CFAP43: variants seen among roughly 807,000 people sequenced by gnomAD.
CFAP43 encodes cilia- and flagella-associated protein 43.
Under a neutral mutation model 218.9 loss-of-function variants are expected in CFAP43, and 155 were observed. The observed-to-expected ratio is 0.71, with a 90% CI of 0.62 to 0.81. The LOEUF is 0.81. Among genes scored for constraint, CFAP43 ranks in the 30% least tolerant of loss-of-function variants. CFAP43 has a pLI of 0.00. For missense variants in CFAP43, 1,778 were observed against 1,954.3 expected (o/e 0.91, Z 1.70); for synonymous variants, 645 against 681.3 (o/e 0.95, Z 0.83).
intron 27 of CFAP43, among the ~76,000 whole-genome samples, chr10:104,152,929 T>C (rs141947507): frequency 6.6e-6 from 1 of 152,048 alleles, no homozygotes; most frequent in African/African-American, 2.4e-5. Context: ...TTAGAAAAGA[T>C]TACATTGGGG....
chr10:104,182,471 G>T lies in CFAP43; in HGVS notation c.2184C>A (p.Tyr728Ter), dbSNP rs745356064. Residue 728 changes from tyrosine (Y) to a stop codon, truncating the protein, a stop_gained, in exon 17 of 38, where the codon TAC becomes TAA. Transcript: ENST00000357060. LOFTEE classifies it high-confidence loss of function. The part of the protein sequence containing the change: ...GHLASEILDY[Y>*]QKLLISLSSA... ...TGCTCAGGGAAATTAATAGTTTCTG[G>T]TAATAGTCCAGAATTTCACTGGCTA... 2 of 1,611,624 alleles carry T rather than the reference G, an allele frequency of 1.2e-6. No individual in the cohort carries two copies. Among genetic ancestry groups the T allele is most frequent in the Non-Finnish European group, 1.7e-6 (2 of 1,179,172 alleles).
chr10:104,222,929 G>A (rs763373971), intron 3 of CFAP43, among the ~76,000 whole-genome samples: 5 of 152,296 alleles, frequency 3.3e-5, no homozygotes, highest in Admixed American at 1.3e-4. Flanking sequence ...TCTAGGATAG[G>A]GGTTGGCAAG....
In CFAP43 at chr10:104,187,478, C is replaced by G; in HGVS notation, c.1702G>C (p.Ala568Pro). The G allele has an allele frequency of 6.3e-7, 1 of 1,584,878 alleles. No individual in the cohort carries two copies. ...TLLPQVSTTF[A>P]DERGRLKDEI... ...TCTTTCAGCCTTCCTCTTTCATCAG[C>G]AAAGGTTGTGGAAACTATTAGATTT... The change falls in exon 14 of 38, where the codon GCT becomes CCT. Residue 568 changes from alanine (A) to proline (P), a missense_variant. Physicochemically the swap from Ala to Pro is conservative, Grantham distance 27 (BLOSUM62 -1). Coordinates refer to ENST00000357060, the MANE Select transcript of CFAP43 (RefSeq NM_025145.7).
At chr10:104,153,979 A>G (rs572949981) in intron 27 of CFAP43, among the ~76,000 whole-genome samples, 1 of 152,312 alleles carries the variant, frequency 6.6e-6, no homozygotes, top group Admixed American at 6.5e-5. Context: ...CAGGAACACT[A>G]TGTAAGTTAT....
chr10:104,156,602 G>T (rs2088560447), intron 27 of CFAP43, among the ~76,000 whole-genome samples: 1 of 152,160 alleles, frequency 6.6e-6, no homozygotes, highest in African/African-American at 2.4e-5. Flanking sequence ...AAAAAGTGGG[G>T]ATTGAGTGGG....
At chr10:104,143,689 A>T in intron 31 of CFAP43, 50 bp from the exon 32 acceptor site, 1 of 1,567,722 alleles carries the variant, frequency 6.4e-7, no homozygotes. Flanking sequence ...TCATAAAAAC[A>T]TCAATGTGAA....
At chr10:104,214,939 C>G (rs1018371424) in intron 3 of CFAP43, among the ~76,000 whole-genome samples, 1 of 151,996 alleles carries the variant, frequency 6.6e-6, no homozygotes, top group Non-Finnish European at 1.5e-5. Context: ...AGTTCAAGAC[C>G]AGCCTGGCCA....
At chr10:104,133,089 T>C (rs2087272440) in intron 35 of CFAP43, among the ~76,000 whole-genome samples, 1 of 152,184 alleles carries the variant, frequency 6.6e-6, no homozygotes, top group East Asian at 1.9e-4. Context: ...AGGTGAAAAC[T>C]ATAGAAATGG....
At chr10:104,172,032 A>G (rs2089434216) in intron 20 of CFAP43, among the ~76,000 whole-genome samples, 1 of 152,218 alleles carries the variant, frequency 6.6e-6, no homozygotes. Flanking sequence ...GTGCTCAAAG[A>G]GTAGAAGGAT....
At chr10:104,166,348 A>T in intron 23 of CFAP43, 140 bp downstream of exon 23, 3 of 644,346 alleles carry the variant, frequency 4.7e-6, no homozygotes, top group Non-Finnish European at 7.9e-6. Flanking sequence ...CTGGGATTAC[A>T]GGTGTGAGCC....
Position 104,131,356 on chromosome 10 carries a change from C to A in CFAP43, c.4806G>T (p.Glu1602Asp). Residue 1602 changes from glutamate (E) to aspartate (D), a missense_variant, in exon 37 of 38, where the codon GAG (glutamate) becomes GAT (aspartate). Physicochemically the swap from Glu to Asp is conservative, Grantham distance 45 (BLOSUM62 2). Around this residue, in one of 3 missense-constraint regions of CFAP43, gnomAD observed 211 missense variants for 230.6 expected, o/e 0.91. Coordinates refer to ENST00000357060, the MANE Select transcript of CFAP43 (RefSeq NM_025145.7). ...NLREELVAVS[E>D]RKDICNAMGS... The stretch of plus-strand genomic sequence containing the variant: ...CCATTGCATTACAGATGTCTTTTCT[C>A]TCTGAGACAGCTACCAACTCTTCTC... 1.2e-6 allele frequency: 2 copies of A among 1,612,870 alleles called. No individual in the cohort carries two copies. Among genetic ancestry groups the A allele is most frequent in the South Asian group, 2.2e-5 (2 of 90,654 alleles).
In CFAP43 at chr10:104,133,791, A is replaced by AAAAG; in HGVS notation, c.4432-11_4432-8dup. ...CTTTCTTTTGTCCTTGAGTCTTTAA[A>AAAAG]AAAGTACATTAGATATCCATATAAT... is the stretch of plus-strand genomic sequence containing the variant. On this transcript the variant is annotated splice_polypyrimidine_tract_variant and splice_region_variant and intron_variant, in intron 34 of 37. Transcript: ENST00000357060. 2 of 1,598,580 alleles carry AAAAG rather than the reference A, an allele frequency of 1.3e-6. No homozygotes were observed. Among genetic ancestry groups the AAAAG allele is most frequent in the Non-Finnish European group, 8.5e-7 (1 of 1,173,596 alleles).
intron 30 of CFAP43, among the ~76,000 whole-genome samples, chr10:104,146,003 G>C (rs1441754769): frequency 6.6e-6 from 1 of 152,128 alleles, no homozygotes; most frequent in African/African-American, 2.4e-5. Flanking sequence ...GCAACCTAAA[G>C]TTTGAAAAGC....
chr10:104,192,585 C>T (rs1042607727), intron 11 of CFAP43: 5 of 336,306 alleles, frequency 1.5e-5, no homozygotes, highest in South Asian at 1.4e-4. Context: ...ACATGTCTGT[C>T]GGTAGAGCTT....
intron 34 of CFAP43, among the ~76,000 whole-genome samples, chr10:104,137,461 G>A (rs1033800225): frequency 4.6e-5 from 7 of 152,312 alleles, no homozygotes; most frequent in African/African-American, 1.4e-4. Context: ...AAGGGAAGAG[G>A]TGGATGGGGA....
intron 3 of CFAP43, among the ~76,000 whole-genome samples, chr10:104,222,553 C>T (rs999823934): frequency 5.3e-5 from 8 of 152,332 alleles, no homozygotes; most frequent in African/African-American, 1.4e-4. Flanking sequence ...GTCTGGTCCT[C>T]TGCACAGCAT....
intron 17 of CFAP43, among the ~76,000 whole-genome samples, chr10:104,181,550 T>C (rs1303009496): frequency 2.0e-5 from 3 of 152,250 alleles, no homozygotes; most frequent in South Asian, 2.1e-4. Context: ...TCAAACTCTT[T>C]ACCTAGTTTA....
chr10:104,155,374 C>A (rs1490781673), intron 27 of CFAP43, among the ~76,000 whole-genome samples: 1 of 152,222 alleles, frequency 6.6e-6, no homozygotes, highest in African/African-American at 2.4e-5. Flanking sequence ...CAAAGGGGAT[C>A]TGGTGGGTAC....
At chr10:104,180,383 C>A (rs757265108) in intron 17 of CFAP43, among the ~76,000 whole-genome samples, 3 of 152,076 alleles carry the variant, frequency 2.0e-5, no homozygotes, top group Non-Finnish European at 4.4e-5. Flanking sequence ...TCTACTATCT[C>A]CTGTCTTAGG....
Sources: gnomAD v4.1 joint callset for allele counts (sites outside exome capture counted in the v4.1 genomes callset) on GRCh38, gnomAD v4.1.1 for gene constraint, gnomAD v4.1.1 regional missense constraint, MANE v1.5 for transcripts, NCBI Gene and HGNC (gene_info 2026-07-23, HGNC 2026-07-21) for gene names.